The following NIPSNAP3B variants were observed in gnomAD, a reference collection of about 807,000 sequenced individuals.
NIPSNAP3B encodes the protein protein NipSnap homolog 3B.
Under a neutral mutation model 31.5 loss-of-function variants are expected in NIPSNAP3B, and 30 were observed. The observed-to-expected ratio is 0.95, with a 90% confidence interval of 0.71 to 1.29. NIPSNAP3B has a LOEUF of 1.29. Among genes scored for constraint, NIPSNAP3B ranks in the 50% most tolerant of loss-of-function variants. The pLI is 0.00. For synonymous variants in NIPSNAP3B, 106 were observed against 107.9 expected, an observed-to-expected ratio of 0.98 and a Z score of 0.11; for missense variants, 269 against 300.7, an observed-to-expected ratio of 0.89 and a Z score of 0.78.
At chr9:104,770,609 C>CT (rs1828194423) in intron 3 of NIPSNAP3B, among the ~76,000 whole-genome samples, 1 of 152,018 alleles carries the variant, frequency 6.6e-6, no homozygotes, top group Admixed American at 6.6e-5. Context: ...GCTTCCAGTC[C>CT]TTTTTCTTTA....
At chr9:104,772,351 T>A (rs1407349887) in intron 4 of NIPSNAP3B, among the ~76,000 whole-genome samples, 3 of 152,118 alleles carry the variant, frequency 2.0e-5, no homozygotes, top group Admixed American at 2.0e-4. Context: ...GTTGCAGCAT[T>A]TTAAAAAATC....
chr9:104,786,932 C>G, the NIPSNAP3B span: 1 of 1,614,036 alleles, frequency 6.2e-7, no homozygotes, highest in Non-Finnish European at 8.5e-7. Flanking sequence ...CACAATTCCA[C>G]AAGAACCGCC....
rs1828288636 is a variant in NIPSNAP3B, at chr9:104,774,300, A to T, written c.*1227A>T. Among the ~76,000 whole-genome samples, 1 of 152,220 alleles carries T rather than the reference A, an allele frequency of 6.6e-6. No individual in the cohort carries two copies. The highest frequency in any genetic ancestry group is 1.5e-5 in the Non-Finnish European group (1 of 68,032). The stretch of plus-strand genomic sequence containing the variant: ...TCAGGCTCTAAGCGATCTGCAGTTT[A>T]TCTGGGCTATTATGCAATGTGAGAT... On this transcript the variant is annotated 3_prime_UTR_variant, in exon 6 of 6. Coordinates refer to ENST00000374762, the MANE Select transcript of NIPSNAP3B (RefSeq NM_018376.4).
chr9:104,789,140 T>C, the NIPSNAP3B span, among the ~76,000 whole-genome samples: 1 of 152,188 alleles, frequency 6.6e-6, no homozygotes, highest in African/African-American at 2.4e-5. Context: ...GAACTTGGCC[T>C]TCTGGCAGCA....
intron 4 of NIPSNAP3B, among the ~76,000 whole-genome samples, chr9:104,772,206 T>G (rs1828236049): frequency 6.8e-6 from 1 of 148,052 alleles, no homozygotes; most frequent in African/African-American, 2.5e-5. Context: ...AGTTTTTTTT[T>G]TGTTTTTTTT....
chr9:104,768,846 C>T lies in NIPSNAP3B; in HGVS notation c.272-17C>T, dbSNP rs12351524. On this transcript the variant is annotated splice_polypyrimidine_tract_variant and intron_variant, in intron 2 of 5. Transcript: ENST00000374762. ...TTTAAATAAAAAAACATTTTCTTAACTATTTTCCTCCCATAGATAATTTTG... is the reference window on the plus strand; with the variant it reads ...TTTAAATAAAAAAACATTTTCTTAATTATTTTCCTCCCATAGATAATTTTG... 186,087 of 1,577,318 alleles carry T rather than the reference C, an allele frequency of 0.12. 16,357 individuals are homozygous for T. Among genetic ancestry groups the T allele is most frequent in the East Asian group, 0.51 (22,559 of 44,462 alleles).
intron 2 of NIPSNAP3B, among the ~76,000 whole-genome samples, chr9:104,767,967 C>A (rs1828123876): frequency 6.6e-6 from 1 of 152,156 alleles, no homozygotes; most frequent in South Asian, 2.1e-4. Flanking sequence ...TATGAAACAG[C>A]ATACTGTTTC....
chr9:104,783,459 C>T, the NIPSNAP3B span: 1 of 152,210 alleles, frequency 6.6e-6, no homozygotes, highest in Non-Finnish European at 1.5e-5. Flanking sequence ...CTCTTTAATC[C>T]CATGCCCTGG....
the NIPSNAP3B span, among the ~76,000 whole-genome samples, chr9:104,790,629 T>G: frequency 6.6e-6 from 1 of 152,178 alleles, no homozygotes; most frequent in Non-Finnish European, 1.5e-5. Context: ...ACTCTCAATT[T>G]ACCAAAAATC....
At chr9:104,790,841 A>C in the NIPSNAP3B span, 1 of 980,100 alleles carries the variant, frequency 1.0e-6, no homozygotes, top group Non-Finnish European at 1.6e-6. Flanking sequence ...ATACCACTGT[A>C]ATCAAAAATA....
intron 4 of NIPSNAP3B, among the ~76,000 whole-genome samples, chr9:104,772,205 TTTG>T (rs1224877715): frequency 6.8e-6 from 1 of 148,144 alleles, no homozygotes; most frequent in Non-Finnish European, 1.5e-5. Context: ...CAGTTTTTTT[TTTG>T]TTTTTTTTTT....
At chr9:104,768,836 AT>A in intron 2 of NIPSNAP3B, 26 bp from the exon 3 acceptor site, 2 of 1,578,436 alleles carry the variant, frequency 1.3e-6, no homozygotes, top group Non-Finnish European at 1.7e-6. Context: ...ATAAAAAAAC[AT>A]TTTCTTAACT....
the NIPSNAP3B span, chr9:104,784,270 T>C: frequency 1.9e-6 from 3 of 1,612,884 alleles, no homozygotes; most frequent in Non-Finnish European, 1.7e-6. Flanking sequence ...CAAAGGAAAG[T>C]CTAGTTCCTC....
the NIPSNAP3B span, chr9:104,790,837 C>G: frequency 1.0e-6 from 1 of 957,308 alleles, no homozygotes; most frequent in Non-Finnish European, 1.7e-6. Flanking sequence ...AAAAATACCA[C>G]TGTAATCAAA....
chr9:104,772,573 C>T (rs963347255), intron 4 of NIPSNAP3B, among the ~76,000 whole-genome samples: 3 of 152,022 alleles, frequency 2.0e-5, no homozygotes, highest in Non-Finnish European at 2.9e-5. Context: ...TCATTAAACT[C>T]GGGTCTAGTC....
At chr9:104,786,167 C>G in the NIPSNAP3B span, 1 of 786,498 alleles carries the variant, frequency 1.3e-6, no homozygotes, top group Non-Finnish European at 2.1e-6. Flanking sequence ...TCAAAGCCCT[C>G]ATTCTTTCCA....
At chr9:104,780,116 T>A (rs1320066353), downstream of NIPSNAP3B, among the ~76,000 whole-genome samples, 2 of 152,196 alleles carry the variant, frequency 1.3e-5, no homozygotes, top group African/African-American at 4.8e-5. Flanking sequence ...CAATAAAGTT[T>A]TTTCCTCTCC....
chr9:104,787,916 T>G, the NIPSNAP3B span: 5 of 1,613,856 alleles, frequency 3.1e-6, no homozygotes, highest in Non-Finnish European at 4.2e-6. Flanking sequence ...ACAGTTATAC[T>G]CACCAGAAAC....
intron 3 of NIPSNAP3B, among the ~76,000 whole-genome samples, chr9:104,770,490 A>T (rs180926500): frequency 2.2e-4 from 34 of 152,314 alleles, no homozygotes; most frequent in Middle Eastern, 6.8e-3. Flanking sequence ...TCTTTTTTAA[A>T]AAGTGTAGAC....
Sources: allele counts gnomAD v4.1 joint callset (sites outside exome capture counted in the v4.1 genomes callset), GRCh38; gene constraint gnomAD v4.1.1; transcripts MANE v1.5; gene names NCBI Gene and HGNC (gene_info 2026-07-23, HGNC 2026-07-21).